MGAT5: variants seen among roughly 807,000 people sequenced by gnomAD.
MGAT5 encodes the protein alpha-1,6-mannosylglycoprotein 6-beta-N-acetylglucosaminyltransferase A.
Under a neutral mutation model 94.3 loss-of-function variants are expected in MGAT5, and 30 were observed. The ratio of observed to expected loss-of-function variants is 0.32; its 90% confidence interval spans 0.24 to 0.43. The LOEUF (loss-of-function observed/expected upper bound fraction) is 0.43. Ranked by LOEUF, MGAT5 falls within the 20% of genes least tolerant of loss-of-function variation. MGAT5 has a pLI of 1.00. For synonymous variants in MGAT5, 310 were observed against 322.9 expected (o/e 0.96, Z 0.43); for missense variants, 691 against 905.5 (o/e 0.76, Z 3.04).
At chr2:134,419,944 T>C (rs1256719876) in intron 12 of MGAT5, among the ~76,000 whole-genome samples, 1 of 152,196 alleles carries the variant, frequency 6.6e-6, no homozygotes, top group Non-Finnish European at 1.5e-5. Context: ...GAAAATGATG[T>C]GACATTTTGC....
chr2:134,331,568 G>A (rs756175548), intron 4 of MGAT5, among the ~76,000 whole-genome samples: 6 of 152,106 alleles, frequency 3.9e-5, no homozygotes, highest in Non-Finnish European at 8.8e-5. Context: ...GAGGGCTTGA[G>A]GGAGGTCTTT....
intron 1 of MGAT5, among the ~76,000 whole-genome samples, chr2:134,235,538 A>G (rs1037624558): frequency 2.6e-5 from 4 of 152,044 alleles, no homozygotes; most frequent in African/African-American, 4.8e-5. Context: ...ACCTAACCCA[A>G]TCGACAGGGC....
intron 1 of MGAT5, among the ~76,000 whole-genome samples, chr2:134,205,510 G>A (rs900274142): frequency 3.9e-5 from 6 of 152,202 alleles, no homozygotes; most frequent in Non-Finnish European, 7.3e-5. Flanking sequence ...TGGAGCAGCC[G>A]GAGTGGGAGA....
intron 1 of MGAT5, among the ~76,000 whole-genome samples, chr2:134,191,187 A>G (rs925028178): frequency 3.9e-5 from 6 of 152,232 alleles, no homozygotes; most frequent in African/African-American, 1.4e-4. Context: ...AGTTGGTCGT[A>G]CCTAATTGGC....
intron 1 of MGAT5, among the ~76,000 whole-genome samples, chr2:134,201,293 A>G (rs1182579652): frequency 3.9e-5 from 6 of 152,082 alleles, no homozygotes; most frequent in Non-Finnish European, 5.9e-5. Flanking sequence ...GGTTGGTAGG[A>G]GCAGGAAGAA....
intron 1 of MGAT5, among the ~76,000 whole-genome samples, chr2:134,191,634 C>T (rs1231676680): frequency 6.8e-6 from 1 of 147,600 alleles, no homozygotes; most frequent in African/African-American, 2.5e-5. Flanking sequence ...TTCCTTCTCG[C>T]GCGAGCGGGT....
chr2:134,252,683 C>T (rs557647131), upstream of MGAT5, among the ~76,000 whole-genome samples: 2 of 152,282 alleles, frequency 1.3e-5, no homozygotes, highest in East Asian at 3.9e-4. Context: ...CAAACCTTCT[C>T]TGTTAAGAGG....
intron 1 of MGAT5, among the ~76,000 whole-genome samples, chr2:134,148,401 G>A (rs1171452662): frequency 2.6e-5 from 4 of 152,174 alleles, no homozygotes; most frequent in Non-Finnish European, 1.5e-5. Flanking sequence ...TGGTTCCAGG[G>A]GATTCCAGTG....
In MGAT5 at chr2:134,450,828, G is replaced by GTA. The variant is rs1686066696; in HGVS notation, c.*1982_*1983insAT. On this transcript the variant is annotated 3_prime_UTR_variant, in exon 16 of 16. Transcript: ENST00000281923. ...TGTGTGTGTGTGTGTGTGTGTGTGT[G>GTA]TGTATGAGCCTGTGCATTTCTTTTA... 7.4e-6 allele frequency: 1 copy of GTA among 134,592 alleles called. No homozygotes were observed. Among genetic ancestry groups the GTA allele is most frequent in the Admixed American group, 7.4e-5 (1 of 13,530 alleles). 8.3% of individuals were successfully genotyped at this position (134,592 alleles called of 1,614,324 possible).
intron 11 of MGAT5, among the ~76,000 whole-genome samples, chr2:134,405,993 G>C (rs1267666912): frequency 1.3e-5 from 2 of 152,228 alleles, no homozygotes; most frequent in African/African-American, 4.8e-5. Flanking sequence ...AAACTTGGAT[G>C]AATGAATTAT....
intron 4 of MGAT5, among the ~76,000 whole-genome samples, chr2:134,333,997 ACCCACCTT>A (rs1248906251): frequency 6.6e-6 from 1 of 151,508 alleles, no homozygotes; most frequent in Non-Finnish European, 1.5e-5. Flanking sequence ...AACCTTAAAA[ACCCACCTT>A]CCCGCTCTGT....
intron 2 of MGAT5, among the ~76,000 whole-genome samples, chr2:134,313,089 CACATAT>C (rs1382959828): frequency 4.8e-5 from 5 of 104,204 alleles, no homozygotes; most frequent in African/African-American, 7.1e-5. Flanking sequence ...CACACACACA[CACATAT>C]CTGTCTGGTT....
intron 10 of MGAT5, among the ~76,000 whole-genome samples, chr2:134,396,357 A>G (rs1682706434): frequency 6.6e-6 from 1 of 152,276 alleles, no homozygotes; most frequent in South Asian, 2.1e-4. Context: ...CCAATCTTGG[A>G]ATAAAATAAT....
In MGAT5 at chr2:134,441,647, C is replaced by T. The variant is rs879886173; in HGVS notation, c.1870-111C>T. ...ATCCATGTGGCTCCCAACTCTTCCCCGTCCCTGTGCTCTCCCAGTGTGCCG... is the reference window on the plus strand; with the variant it reads ...ATCCATGTGGCTCCCAACTCTTCCCTGTCCCTGTGCTCTCCCAGTGTGCCG... On this transcript the variant is annotated intron_variant, in intron 14 of 15. Transcript: ENST00000281923. 400 of 1,302,136 alleles carry T rather than the reference C, an allele frequency of 3.1e-4. 2 individuals are homozygous for T. The East Asian group carries it at 7.0e-3, about 23-fold the overall frequency. The allele number at this position is 1,302,136 out of a possible 1,614,324, so 80.7% of individuals were successfully genotyped here.
Position 134,152,376 on chromosome 2 carries a change from C to T in MGAT5, c.-143+32085C>T, listed in dbSNP as rs922643120. ...TCACTCACGCCCTATGGGACCCGCCCACCGCCATGGGACCTCACTCACGCC... is the reference window on the plus strand; with the variant it reads ...TCACTCACGCCCTATGGGACCCGCCTACCGCCATGGGACCTCACTCACGCC... On this transcript the variant is annotated intron_variant, in intron 1 of 16. Coordinates refer to the MGAT5 transcript ENST00000409645. 1.3e-4 allele frequency among the ~76,000 whole-genome samples: 18 copies of T among 143,388 alleles called. 2 individuals are homozygous for T. The highest frequency in any genetic ancestry group is 4.7e-4 in the African/African-American group (18 of 38,362). The allele number at this position is 143,388 out of a possible 152,430, so 94.1% of individuals were successfully genotyped here.
chr2:134,305,912 G>A (rs1430010032), intron 2 of MGAT5, among the ~76,000 whole-genome samples: 5 of 152,084 alleles, frequency 3.3e-5, no homozygotes, highest in Admixed American at 2.6e-4. Flanking sequence ...CAAGTATCTT[G>A]AATTTTTAAT....
At chr2:134,306,330 C>G (rs1686328496) in intron 2 of MGAT5, among the ~76,000 whole-genome samples, 1 of 152,082 alleles carries the variant, frequency 6.6e-6, no homozygotes, top group Admixed American at 6.6e-5. Context: ...ATTACAAACT[C>G]AGTTTTGTCT....
At chr2:134,383,636 C>G (rs1424862562) in intron 10 of MGAT5, among the ~76,000 whole-genome samples, 1 of 151,994 alleles carries the variant, frequency 6.6e-6, no homozygotes, top group Non-Finnish European at 1.5e-5. Flanking sequence ...AATCTCAAAG[C>G]TCTAAATCAG....
intron 1 of MGAT5, among the ~76,000 whole-genome samples, chr2:134,263,912 C>CT (rs1171600789): frequency 7.4e-6 from 1 of 135,878 alleles, no homozygotes; most frequent in Non-Finnish European, 1.5e-5. Flanking sequence ...CCCTTTAGTT[C>CT]TTTAAAAAAA....
Sources: allele counts gnomAD v4.1 joint callset (sites outside exome capture counted in the v4.1 genomes callset), GRCh38; gene constraint gnomAD v4.1.1; transcripts MANE v1.5; gene names NCBI Gene and HGNC (gene_info 2026-07-23, HGNC 2026-07-21).